The following FBXO15 variants were observed in gnomAD, a reference collection of about 807,000 sequenced individuals.
FBXO15 encodes F-box only protein 15.
FBXO15 carries 30 observed loss-of-function variants against 49.5 expected under a neutral mutation model. The observed-to-expected ratio is 0.61, with a 90% confidence interval of 0.45 to 0.82. The LOEUF is 0.82. Ranked by LOEUF, FBXO15 falls within the 40% of genes least tolerant of loss-of-function variation. The probability of loss-of-function intolerance (pLI) is 0.00; values close to 1 mark genes in which losing one functional copy is unlikely to be tolerated. For synonymous variants in FBXO15, 250 were observed against 232.7 expected (o/e 1.07, Z -0.68); for missense variants, 591 against 631.5 (o/e 0.94, Z 0.69).
chr18:74,118,417 T>TATATATATATATGTGTATATACAC (rs1914329037), intron 8 of FBXO15, among the ~76,000 whole-genome samples: 2 of 149,482 alleles, frequency 1.3e-5, no homozygotes, highest in African/African-American at 2.5e-5. Context: ...TATACACATA[T>TATATATATATATGTGTATATACAC]ATATATATAT....
At chr18:74,111,220 C>G (rs1007456715) in intron 8 of FBXO15, among the ~76,000 whole-genome samples, 1 of 146,674 alleles carries the variant, frequency 6.8e-6, no homozygotes, top group African/African-American at 2.6e-5. Flanking sequence ...AATCCCAGCA[C>G]TTGGGAGGCC....
intron 8 of FBXO15, among the ~76,000 whole-genome samples, chr18:74,087,578 A>C (rs955147884): frequency 7.9e-5 from 12 of 152,334 alleles, no homozygotes; most frequent in African/African-American, 2.9e-4. Flanking sequence ...ATAATATTGC[A>C]TGGTATACAA....
chr18:74,122,133 CT>C (rs1311837183), intron 8 of FBXO15, among the ~76,000 whole-genome samples: 1 of 152,096 alleles, frequency 6.6e-6, no homozygotes, highest in African/African-American at 2.4e-5. Flanking sequence ...CTTTCCAGAC[CT>C]CCCTTTCCTT....
Position 74,130,416 on chromosome 18 carries a change from C to T in FBXO15, c.575G>A (p.Arg192Lys). 1.9e-6 allele frequency: 3 copies of T among 1,614,056 alleles called. No individual in the cohort carries two copies. Among genetic ancestry groups the T allele is most frequent in the Non-Finnish European group, 2.5e-6 (3 of 1,179,972 alleles). The change falls in exon 4 of 10, where the codon AGA becomes AAA. Residue 192 changes from arginine to lysine, a missense_variant and splice_region_variant. Physicochemically the swap from Arg to Lys is conservative, Grantham distance 26 (BLOSUM62 2). Coordinates refer to ENST00000419743, the MANE Select transcript of FBXO15 (RefSeq NM_001142958.2). ...GLPVKTKEAL[R>K]IFGLGWAIIL... The stretch of plus-strand genomic sequence containing the variant: ...TTCTCTTTTGGAACACACTGCGTAC[C>T]TGAGGGCCTCTTTGGTCTTAACTGG...
Position 74,140,370 on chromosome 18 carries a change from A to G in FBXO15, c.117-58T>C, listed in dbSNP as rs560411409. 108 of 1,434,786 alleles carry G rather than the reference A, an allele frequency of 7.5e-5. 3 individuals are homozygous for G. The South Asian group carries it at 1.4e-3, about 19-fold the overall frequency. 88.9% of individuals were successfully genotyped at this position (1,434,786 alleles called of 1,614,324 possible). ...AATTACCAAATGAGGTGAATTATCT[A>G]TTCCCTTCTACAAAATTCCAAAGGA... On this transcript the variant is annotated intron_variant, in intron 1 of 9. Coordinates refer to ENST00000419743, the MANE Select transcript of FBXO15 (RefSeq NM_001142958.2).
chr18:74,141,453 C>T (rs563251100), intron 1 of FBXO15, among the ~76,000 whole-genome samples: 7 of 152,318 alleles, frequency 4.6e-5, no homozygotes, highest in South Asian at 4.1e-4. Context: ...ATTATGTATA[C>T]GCTCAGTTCA....
At chr18:74,077,534 G>A (rs987172354) in intron 9 of FBXO15, among the ~76,000 whole-genome samples, 8 of 152,142 alleles carry the variant, frequency 5.3e-5, no homozygotes, top group Middle Eastern at 3.2e-3. Flanking sequence ...GAACAGCAGC[G>A]ACCAGCCCCA....
At chr18:74,131,268 G>T (rs1426926477) in intron 3 of FBXO15, among the ~76,000 whole-genome samples, 4 of 152,160 alleles carry the variant, frequency 2.6e-5, no homozygotes, top group Non-Finnish European at 4.4e-5. Context: ...TATTATACAT[G>T]ACTCATTTAT....
intron 5 of FBXO15, 44 bp downstream of exon 5, chr18:74,129,361 A>G (rs1172593093): frequency 6.5e-7 from 1 of 1,527,072 alleles, no homozygotes; most frequent in Non-Finnish European, 9.0e-7. Flanking sequence ...TAATATTTAC[A>G]TATAAGATGC....
chr18:74,078,337 C>T (rs72970731), intron 9 of FBXO15, among the ~76,000 whole-genome samples: 13,078 of 148,920 alleles, frequency 0.088, 817 homozygotes, highest in Admixed American at 0.2. Context: ...AGGCCCCCCC[C>T]CGACCTGCCC....
intron 2 of FBXO15, among the ~76,000 whole-genome samples, 194 bp from the exon 3 acceptor site, chr18:74,136,060 T>C (rs1229650932): frequency 2.6e-5 from 4 of 152,190 alleles, no homozygotes; most frequent in Non-Finnish European, 5.9e-5. Context: ...CTAATTCTCA[T>C]GACATAAACC....
At position 74,147,525 on chromosome 18, in the gene FBXO15, G is replaced by A. The variant is rs542009515; in HGVS notation, c.116+145C>T. The A allele has an allele frequency of 4.9e-5, 61 of 1,256,122 alleles. 1 individual carries two copies. The South Asian group carries it at 1.7e-3, about 35-fold the overall frequency. 77.8% of individuals were successfully genotyped at this position (1,256,122 alleles called of 1,614,324 possible). On this transcript the variant is annotated intron_variant, in intron 1 of 9. Coordinates refer to ENST00000419743, the MANE Select transcript of FBXO15 (RefSeq NM_001142958.2). ...TTGCAGGGTAGAAAGGATTTCCTCC[G>A]GTCGTTCTTCCATACCCTTCTCACG... is the stretch of plus-strand genomic sequence containing the variant.
chr18:74,093,358 G>A (rs1280455507), intron 8 of FBXO15, among the ~76,000 whole-genome samples: 3 of 152,072 alleles, frequency 2.0e-5, no homozygotes, highest in Non-Finnish European at 4.4e-5. Flanking sequence ...GCGTGTCAGC[G>A]AGGGCCACTC....
intron 5 of FBXO15, among the ~76,000 whole-genome samples, chr18:74,126,780 T>C (rs908924977): frequency 2.0e-5 from 3 of 152,054 alleles, no homozygotes; most frequent in African/African-American, 7.2e-5. Flanking sequence ...AATAAATAAG[T>C]TAAAAAGGAC....
intron 8 of FBXO15, among the ~76,000 whole-genome samples, chr18:74,104,154 A>AT (rs1203612562): frequency 6.6e-6 from 1 of 151,750 alleles, no homozygotes; most frequent in Non-Finnish European, 1.5e-5. Context: ...AAAGTATGTA[A>AT]TTTTTTTCTC....
chr18:74,088,960 G>A (rs1291072498), intron 8 of FBXO15, among the ~76,000 whole-genome samples: 2 of 152,030 alleles, frequency 1.3e-5, no homozygotes, highest in African/African-American at 4.8e-5. Context: ...ATTCCTATTT[G>A]TAGGTATTTT....
In FBXO15 at chr18:74,147,831, G is replaced by C. The variant is rs1210137388; in HGVS notation, c.-46C>G. The stretch of plus-strand genomic sequence containing the variant: ...AGGACCGCGCCAGGGCTGAAACGAA[G>C]AGTGCACGCACCGCCCCCACGCCCG... On this transcript the variant is annotated 5_prime_UTR_variant, in exon 1 of 10. Transcript: ENST00000419743. 4 of 1,466,448 alleles carry C rather than the reference G, an allele frequency of 2.7e-6. No individual in the cohort carries two copies. Among genetic ancestry groups the C allele is most frequent in the Admixed American group, 2.4e-5 (1 of 41,030 alleles). The allele number at this position is 1,466,448 out of a possible 1,614,324, so 90.8% of individuals were successfully genotyped here.
intron 8 of FBXO15, among the ~76,000 whole-genome samples, chr18:74,090,953 T>G (rs1382109915): frequency 1.3e-5 from 2 of 152,144 alleles, no homozygotes; most frequent in Non-Finnish European, 2.9e-5. Flanking sequence ...ATATCTTTGT[T>G]AGTTTTCTGC....
chr18:74,074,791 T>C lies in FBXO15; in HGVS notation c.1264-1061A>G, dbSNP rs1912190185. 6.6e-6 allele frequency among the ~76,000 whole-genome samples: 1 copy of C among 152,362 alleles called. No homozygotes were observed. The highest frequency in any genetic ancestry group is 3.4e-3 in the Middle Eastern group (1 of 294). On this transcript the variant is annotated intron_variant, in intron 9 of 9. Coordinates refer to ENST00000419743, the MANE Select transcript of FBXO15 (RefSeq NM_001142958.2). The surrounding 1 kb of genome is among the most constrained non-coding windows in gnomAD (Gnocchi z 4.7). ...TTTCATTGCACATGAATGTGTGGTC[T>C]GTATATGCCCATACCGCAGTGGATA...
Sources: gnomAD v4.1 joint callset for allele counts (sites outside exome capture counted in the v4.1 genomes callset) on GRCh38, gnomAD v4.1.1 for gene constraint, Gnocchi (gnomAD v3.1) non-coding constraint, MANE v1.5 for transcripts, NCBI Gene and HGNC (gene_info 2026-07-23, HGNC 2026-07-21) for gene names.